Variants in PHACTR1 observed in about 807,000 individuals in gnomAD.
PHACTR1 encodes the protein RPEL repeat containing 1.
Under a neutral mutation model 69.2 loss-of-function variants are expected in PHACTR1, and 16 were observed. The observed-to-expected ratio is 0.23, with a 90% confidence interval of 0.16 to 0.35. The LOEUF (loss-of-function observed/expected upper bound fraction) is 0.35. Ranked by LOEUF, PHACTR1 falls within the 10% of genes least tolerant of loss-of-function variation. The pLI is 1.00. For missense variants in PHACTR1, 510 were observed against 734.7 expected, an observed-to-expected ratio of 0.69 and a Z score of 3.54; for synonymous variants, 312 against 284.5, an observed-to-expected ratio of 1.10 and a Z score of -0.97.
chr6:12,985,912 T>A (rs1172798040), intron 4 of PHACTR1, among the ~76,000 whole-genome samples: 1 of 151,982 alleles, frequency 6.6e-6, no homozygotes, highest in Admixed American at 6.6e-5. Flanking sequence ...CTCAGCCCAC[T>A]GCAACCTCCG....
chr6:12,812,201 T>C (rs1284346731), intron 4 of PHACTR1, among the ~76,000 whole-genome samples: 1 of 152,188 alleles, frequency 6.6e-6, no homozygotes, highest in East Asian at 1.9e-4. Flanking sequence ...CCCCTTTCTG[T>C]CTCTGCAGAT....
chr6:12,845,208 T>C (rs942466151), intron 4 of PHACTR1, among the ~76,000 whole-genome samples: 3 of 152,212 alleles, frequency 2.0e-5, no homozygotes, highest in African/African-American at 7.2e-5. Flanking sequence ...GCATGATTTA[T>C]AAGAGGGAAA....
At chr6:12,992,516 G>A (rs1796934068) in intron 4 of PHACTR1, among the ~76,000 whole-genome samples, 2 of 152,176 alleles carry the variant, frequency 1.3e-5, no homozygotes, top group Non-Finnish European at 2.9e-5. Context: ...ATTCTCTGAC[G>A]TATCTCTTAT....
In PHACTR1 at chr6:13,205,848, C is replaced by T; in HGVS notation, c.698C>T (p.Pro233Leu). ...PGAPVKLPCL[P>L]VKLSPPLPPK... is the part of the protein sequence containing the mutation. ...GCCCCTGTGAAATTGCCTTGTCTGC[C>T]AGTGAAACTGTCGCCTCCGCTACCT... is the stretch of plus-strand genomic sequence containing the variant. The change falls in exon 8 of 15, where the codon CCA becomes CTA. Residue 233 changes from proline (P) to leucine (L), a missense_variant. By Grantham distance (98) the Pro-to-Leu change is moderately conservative (BLOSUM62 -3). Coordinates refer to ENST00000332995, the MANE Select transcript of PHACTR1 (RefSeq NM_030948.6). 1 of 1,594,116 alleles carries T rather than the reference C, an allele frequency of 6.3e-7. No homozygotes were observed.
intron 4 of PHACTR1, among the ~76,000 whole-genome samples, chr6:12,983,858 C>A (rs1009162790): frequency 6.6e-6 from 1 of 152,128 alleles, no homozygotes; most frequent in Non-Finnish European, 1.5e-5. Context: ...CATCCATGCC[C>A]CTACAAAGGA....
chr6:13,083,337 G>C (rs1267978198), intron 5 of PHACTR1, among the ~76,000 whole-genome samples: 2 of 152,084 alleles, frequency 1.3e-5, no homozygotes, highest in African/African-American at 2.4e-5. Flanking sequence ...ATGCTGTTTT[G>C]GTTACTGTAG....
chr6:12,901,742 C>T (rs1041959260), intron 4 of PHACTR1, among the ~76,000 whole-genome samples: 3 of 152,126 alleles, frequency 2.0e-5, no homozygotes, highest in South Asian at 2.1e-4. Context: ...GTGATCCACC[C>T]GCCTTAGCCT....
chr6:13,143,608 C>T (rs1561893822), intron 5 of PHACTR1, among the ~76,000 whole-genome samples: 1 of 152,036 alleles, frequency 6.6e-6, no homozygotes, highest in African/African-American at 2.4e-5. Context: ...TTAAAGTAAA[C>T]CTTCAAGTGA....
intron 8 of PHACTR1, among the ~76,000 whole-genome samples, chr6:13,215,551 A>G (rs1379235445): frequency 6.6e-6 from 1 of 152,214 alleles, no homozygotes; most frequent in East Asian, 1.9e-4. Flanking sequence ...AAGACATAGC[A>G]TAGAGAATGA....
chr6:13,281,464 G>T (rs182713289), intron 12 of PHACTR1: 2 of 337,978 alleles, frequency 5.9e-6, no homozygotes, highest in Non-Finnish European at 6.1e-6. Flanking sequence ...TGAGGCAGGA[G>T]AGTTACTTGC....
At chr6:12,744,793 G>A (rs988283463) in intron 3 of PHACTR1, among the ~76,000 whole-genome samples, 2 of 152,332 alleles carry the variant, frequency 1.3e-5, no homozygotes, top group Admixed American at 1.3e-4. Context: ...CTAACAGTCT[G>A]TGGATTCTTA....
intron 4 of PHACTR1, among the ~76,000 whole-genome samples, chr6:13,024,017 G>A (rs1197046888): frequency 6.6e-6 from 1 of 151,748 alleles, no homozygotes; most frequent in Non-Finnish European, 1.5e-5. Flanking sequence ...GCAGAGGTTG[G>A]AGTGAGCTGA....
rs901675713 is a variant in PHACTR1, at chr6:12,865,576, T to C, written c.250+115786T>C. Among the ~76,000 whole-genome samples, 9 of 152,324 alleles carry C rather than the reference T, an allele frequency of 5.9e-5. No individual in the cohort carries two copies. The East Asian group carries it at 1.3e-3, about 23-fold the overall frequency. ...CTTTAATGGGCACCTTTGTACACTA[T>C]TCCTATAGGCAGTGGCGTGCTCAGT... On this transcript the variant is annotated intron_variant, in intron 4 of 14. Coordinates refer to ENST00000332995, the MANE Select transcript of PHACTR1 (RefSeq NM_030948.6).
intron 5 of PHACTR1, among the ~76,000 whole-genome samples, chr6:13,101,412 A>G (rs1815136906): frequency 6.6e-6 from 1 of 152,202 alleles, no homozygotes; most frequent in African/African-American, 2.4e-5. Context: ...TGGGGGACAC[A>G]TTTAGACCAT....
At chr6:12,939,235 A>C (rs139324694) in intron 4 of PHACTR1, among the ~76,000 whole-genome samples, 316 of 152,302 alleles carry the variant, frequency 2.1e-3, no homozygotes, top group South Asian at 4.4e-3. Context: ...TTTAGATGTC[A>C]CTTGGTCTCT....
chr6:12,724,281 C>A (rs1234630676), intron 3 of PHACTR1, among the ~76,000 whole-genome samples: 1 of 152,036 alleles, frequency 6.6e-6, no homozygotes, highest in Non-Finnish European at 1.5e-5. Flanking sequence ...GAACCGAGAT[C>A]GCACCATTGC....
In PHACTR1 at chr6:13,107,179, A is replaced by T. The variant is rs576126410; in HGVS notation, c.416-53025A>T. ...GTTGCCCAGGCTGGAGTGCAGTAGT[A>T]CACTCACAGCTCACTGCAGCCCTGA... On this transcript the variant is annotated intron_variant, in intron 5 of 14. Transcript: ENST00000332995. Among the ~76,000 whole-genome samples, 124 of 152,160 alleles carry T rather than the reference A, an allele frequency of 8.1e-4. 1 individual carries two copies. In the South Asian group the frequency reaches 0.026, roughly 31 times the overall value.
At chr6:13,078,034 A>T (rs536794886) in intron 5 of PHACTR1, among the ~76,000 whole-genome samples, 2 of 152,152 alleles carry the variant, frequency 1.3e-5, no homozygotes, top group Non-Finnish European at 2.9e-5. Context: ...CCATCACACA[A>T]TGAAGGAGAG....
Position 13,268,741 on chromosome 6 carries a change from A to G in PHACTR1, c.1392-4119A>G, listed in dbSNP as rs938616634. On this transcript the variant is annotated intron_variant, in intron 10 of 14. Transcript: ENST00000332995. ...TTTGTCCTTACAATGCCACCATATC[A>G]TTTTCCTCCCAAATCTCATTTTCAA... is the stretch of plus-strand genomic sequence containing the variant. Among the ~76,000 whole-genome samples, 12 of 152,126 alleles carry G rather than the reference A, an allele frequency of 7.9e-5. No homozygotes were observed. In the East Asian group the frequency reaches 2.3e-3, roughly 29 times the overall value.
Sources: allele counts gnomAD v4.1 joint callset (sites outside exome capture counted in the v4.1 genomes callset), GRCh38; gene constraint gnomAD v4.1.1; transcripts MANE v1.5; gene names NCBI Gene and HGNC (gene_info 2026-07-23, HGNC 2026-07-21).